Variants in TTC8 observed in about 807,000 individuals in gnomAD.
The protein encoded by TTC8 is tetratricopeptide repeat protein 8.
TTC8 carries 47 observed loss-of-function variants against 72.5 expected under a neutral mutation model. That is an observed-to-expected ratio of 0.65 (90% CI 0.51 to 0.83). The LOEUF (loss-of-function observed/expected upper bound fraction) is 0.83, where lower values mean the gene tolerates loss of function less well. Among genes scored for constraint, TTC8 ranks in the 40% least tolerant of loss-of-function variants. The pLI is 0.00. For synonymous variants in TTC8, 199 were observed against 221.4 expected (o/e 0.90, Z 0.90); for missense variants, 611 against 623.2 (o/e 0.98, Z 0.21).
At chr14:88,853,410 A>T (rs908683269) in intron 8 of TTC8, among the ~76,000 whole-genome samples, 1 of 152,182 alleles carries the variant, frequency 6.6e-6, no homozygotes, top group Admixed American at 6.5e-5. Flanking sequence ...TCTCTTGGTA[A>T]TCAAATCTTT....
At chr14:88,857,584 C>T (rs558437474) in intron 9 of TTC8, among the ~76,000 whole-genome samples, 5 of 152,260 alleles carry the variant, frequency 3.3e-5, no homozygotes, top group Admixed American at 2.0e-4. Flanking sequence ...TTATTTTCTA[C>T]AGTACCTTTG....
chr14:88,839,665 A>G lies in TTC8; in HGVS notation c.265+93A>G, dbSNP rs751760441. The G allele has an allele frequency of 2.1e-5, 28 of 1,357,830 alleles. No individual in the cohort carries two copies. The Admixed American group carries it at 2.9e-4, about 14-fold the overall frequency. The allele number at this position is 1,357,830 out of a possible 1,614,324, so 84.1% of individuals were successfully genotyped here. A position where few individuals can be genotyped will look rare whatever the true frequency, so the allele number is the denominator to read the frequency against. Reference sequence around the variant, plus strand: ...AATATATATGCCTATATATTTCTACACTTTATATATATAAACATTATAGAC... The same window carrying G: ...AATATATATGCCTATATATTTCTACGCTTTATATATATAAACATTATAGAC... On this transcript the variant is annotated intron_variant, in intron 3 of 14. Coordinates refer to ENST00000380656, the MANE Select transcript of TTC8 (RefSeq NM_144596.4).
intron 1 of TTC8, among the ~76,000 whole-genome samples, chr14:88,831,955 A>G (rs944569387): frequency 3.3e-5 from 5 of 152,130 alleles, no homozygotes; most frequent in Admixed American, 6.5e-5. Context: ...GACACATTGT[A>G]TTGTAATTTA....
chr14:88,857,725 C>G (rs930262378), intron 9 of TTC8, among the ~76,000 whole-genome samples: 1 of 152,146 alleles, frequency 6.6e-6, no homozygotes, highest in African/African-American at 2.4e-5. Context: ...AACATTTTAT[C>G]ATGTTCATTA....
At chr14:88,828,142 A>G (rs938248243) in intron 1 of TTC8, among the ~76,000 whole-genome samples, 3 of 152,220 alleles carry the variant, frequency 2.0e-5, no homozygotes, top group Admixed American at 6.5e-5. Context: ...TCAAATAAAT[A>G]TAATTTCATT....
In TTC8 at chr14:88,824,807, T is replaced by A; in HGVS notation, c.100T>A (p.Ser34Thr). The change falls in exon 1 of 15, where the codon TCC becomes ACC. Residue 34 changes from serine (S) to threonine (T), a missense_variant. Physicochemically the swap from Ser to Thr is moderately conservative, Grantham distance 58. Transcript: ENST00000380656. The part of the protein sequence containing the change: ...ADLCTQMLEK[S>T]PYDQEPDPEL... ...TCTATGCACGCAGATGCTGGAGAAG[T>A]CCCCTTATGACCAGGTACCGGCCAG... is the stretch of plus-strand genomic sequence containing the variant. 3.7e-6 allele frequency: 6 copies of A among 1,613,198 alleles called. No homozygotes were observed. Among genetic ancestry groups the A allele is most frequent in the East Asian group, 4.5e-5 (2 of 44,840 alleles).
intron 7 of TTC8, among the ~76,000 whole-genome samples, chr14:88,852,010 A>G (rs549448170): frequency 2.6e-5 from 4 of 152,356 alleles, no homozygotes; most frequent in African/African-American, 9.6e-5. Flanking sequence ...CTGAAAATCT[A>G]AGAGGTACTT....
At chr14:88,857,367 C>A in intron 9 of TTC8, 90 bp downstream of exon 9, 3 of 1,145,490 alleles carry the variant, frequency 2.6e-6, no homozygotes, top group Non-Finnish European at 4.0e-6. Context: ...ACAGCTTCTT[C>A]AGGAATATTT....
At chr14:88,834,946 G>A (rs2094743527) in intron 2 of TTC8, among the ~76,000 whole-genome samples, 1 of 152,090 alleles carries the variant, frequency 6.6e-6, no homozygotes, top group African/African-American at 2.4e-5. Flanking sequence ...ATTATTCACT[G>A]GATAATGATA....
chr14:88,856,873 A>G (rs1295305665), intron 8 of TTC8, among the ~76,000 whole-genome samples: 1 of 152,168 alleles, frequency 6.6e-6, no homozygotes, highest in East Asian at 1.9e-4. Context: ...CACTTGCCAT[A>G]TGTCCAGCTG....
chr14:88,857,096 C>G, intron 8 of TTC8, 94 bp from the exon 9 acceptor site: 1 of 1,067,894 alleles, frequency 9.4e-7, no homozygotes, highest in South Asian at 1.3e-5. Flanking sequence ...TTGGTATGTG[C>G]TTCCTCTTAT....
At chr14:88,856,252 A>C (rs891571294) in intron 8 of TTC8, among the ~76,000 whole-genome samples, 1 of 152,182 alleles carries the variant, frequency 6.6e-6, no homozygotes, top group Non-Finnish European at 1.5e-5. Flanking sequence ...TTTAGCCTTT[A>C]ACCACTTTAA....
At chr14:88,867,503 T>C (rs2094915933) in intron 10 of TTC8, among the ~76,000 whole-genome samples, 1 of 152,220 alleles carries the variant, frequency 6.6e-6, no homozygotes, top group African/African-American at 2.4e-5. Flanking sequence ...GAACAAAATT[T>C]CCTGAACAAT....
chr14:88,832,720 T>C (rs1432531652), intron 1 of TTC8, among the ~76,000 whole-genome samples: 3 of 152,270 alleles, frequency 2.0e-5, no homozygotes, highest in Non-Finnish European at 4.4e-5. Flanking sequence ...TTCTTTCATC[T>C]GGCATGTCAT....
In TTC8 at chr14:88,877,479, G is replaced by T; in HGVS notation, c.*69G>T. The T allele has an allele frequency of 8.3e-7, 1 of 1,198,144 alleles. No individual in the cohort carries two copies. Among genetic ancestry groups the T allele is most frequent in the Non-Finnish European group, 1.2e-6 (1 of 801,708 alleles). 74.2% of individuals were successfully genotyped at this position (1,198,144 alleles called of 1,614,324 possible). A position where few individuals can be genotyped will look rare whatever the true frequency, so the allele number is the denominator to read the frequency against. On this transcript the variant is annotated 3_prime_UTR_variant, in exon 15 of 15. Transcript: ENST00000380656. ...AAGGGGAAAAAAGCACTATGTCTGTGTATGTATGTATATAGTGTAATACGT... is the reference window on the plus strand; with the variant it reads ...AAGGGGAAAAAAGCACTATGTCTGTTTATGTATGTATATAGTGTAATACGT...
chr14:88,844,182 G>A (rs760801478), intron 7 of TTC8, among the ~76,000 whole-genome samples: 2 of 152,142 alleles, frequency 1.3e-5, no homozygotes, highest in Non-Finnish European at 2.9e-5. Flanking sequence ...AGTCCATATA[G>A]TATATTATAG....
intron 8 of TTC8, among the ~76,000 whole-genome samples, chr14:88,856,394 T>C (rs1447386790): frequency 6.6e-6 from 1 of 152,228 alleles, no homozygotes; most frequent in East Asian, 1.9e-4. Context: ...CTGTATATCA[T>C]TTTGATTTGA....
intron 10 of TTC8, among the ~76,000 whole-genome samples, chr14:88,863,143 C>CT (rs1483949744): frequency 2.0e-5 from 3 of 151,614 alleles, no homozygotes; most frequent in African/African-American, 7.3e-5. Flanking sequence ...TTACCTAGGT[C>CT]TTTTTTTTGT....
chr14:88,835,164 CTG>C (rs1374284571), intron 2 of TTC8, among the ~76,000 whole-genome samples: 1 of 152,192 alleles, frequency 6.6e-6, no homozygotes, highest in Non-Finnish European at 1.5e-5. Flanking sequence ...GTCAGACAGA[CTG>C]TTCCTTTCAT....
Sources: gnomAD v4.1 joint callset for allele counts (sites outside exome capture counted in the v4.1 genomes callset) on GRCh38, gnomAD v4.1.1 for gene constraint, MANE v1.5 for transcripts, NCBI Gene and HGNC (gene_info 2026-07-23, HGNC 2026-07-21) for gene names.